Variants in ATP8A1 observed in about 807,000 individuals in gnomAD.
The protein encoded by ATP8A1 is ATPase phospholipid transporting 8A1, also known as phospholipid-transporting ATPase IA.
ATP8A1 carries 90 observed loss-of-function variants against 177.7 expected under a neutral mutation model. The ratio of observed to expected loss-of-function variants is 0.51; its 90% CI spans 0.43 to 0.60. The LOEUF is 0.60. Ranked by LOEUF, ATP8A1 falls within the 20% of genes least tolerant of loss-of-function variation. The pLI is 0.00. For missense variants in ATP8A1, 1,072 were observed against 1,392.8 expected, an observed-to-expected ratio of 0.77 and a Z score of 3.67; for synonymous variants, 493 against 485.9, an observed-to-expected ratio of 1.01 and a Z score of -0.19.
chr4:42,631,510 G>C (rs1347687031), intron 1 of ATP8A1, among the ~76,000 whole-genome samples: 1 of 152,146 alleles, frequency 6.6e-6, no homozygotes, highest in African/African-American at 2.4e-5. Context: ...TAGCATTAGG[G>C]AAGTACAGCC....
At chr4:42,533,303 G>T (rs372920153) in intron 20 of ATP8A1, among the ~76,000 whole-genome samples, 2 of 152,182 alleles carry the variant, frequency 1.3e-5, no homozygotes, top group African/African-American at 4.8e-5. Context: ...GGTGCTGTTG[G>T]GGGTGCACAG....
intron 27 of ATP8A1, 22 bp from the exon 28 acceptor site, chr4:42,455,621 C>G (rs369685799): frequency 1.5e-4 from 245 of 1,606,002 alleles, no homozygotes; most frequent in Middle Eastern, 3.4e-4. Context: ...AACCCAAAAC[C>G]CCCAAATTAG....
In ATP8A1 at chr4:42,633,747, T is replaced by C. The variant is rs536263838; in HGVS notation, c.50-6638A>G. Among the ~76,000 whole-genome samples the C allele has an allele frequency of 2.4e-4, 37 of 152,302 alleles. No individual in the cohort carries two copies. In the South Asian group the frequency reaches 7.5e-3, roughly 31 times the overall value. ...CTGGCACGTAGTAAGAGTTTAGTAA[T>C]GAATGTGAGCTATTTTCATTGTTGT... On this transcript the variant is annotated intron_variant, in intron 1 of 36. Coordinates refer to ENST00000381668, the MANE Select transcript of ATP8A1 (RefSeq NM_006095.2).
chr4:42,498,589 C>T (rs552066345), intron 24 of ATP8A1, among the ~76,000 whole-genome samples: 127 of 152,136 alleles, frequency 8.3e-4, no homozygotes, highest in African/African-American at 2.9e-3. Context: ...GTCATATTCT[C>T]AAATTAAGTA....
intron 7 of ATP8A1, among the ~76,000 whole-genome samples, chr4:42,589,778 C>T (rs1235904986): frequency 1.3e-5 from 2 of 151,684 alleles, no homozygotes; most frequent in Non-Finnish European, 2.9e-5. Context: ...AATATAGAAG[C>T]ACGATGACAA....
chr4:42,493,686 G>C (rs555219495), intron 24 of ATP8A1, among the ~76,000 whole-genome samples: 8 of 152,124 alleles, frequency 5.3e-5, no homozygotes, highest in Admixed American at 1.3e-4. Flanking sequence ...GCTCTGCCGC[G>C]TACTGGCTGT....
chr4:42,499,400 C>T (rs1171871231), intron 24 of ATP8A1, among the ~76,000 whole-genome samples: 2 of 152,166 alleles, frequency 1.3e-5, no homozygotes, highest in African/African-American at 4.8e-5. Context: ...GTAGCTCTAC[C>T]TCTGGGGACA....
chr4:42,522,159 C>A lies in ATP8A1; in HGVS notation c.1947+1G>T. The A allele has an allele frequency of 1.2e-6, 2 of 1,606,304 alleles. No individual in the cohort carries two copies. Among genetic ancestry groups the A allele is most frequent in the Non-Finnish European group, 1.7e-6 (2 of 1,178,108 alleles). On this transcript the variant is annotated splice_donor_variant, in intron 22 of 36. Coordinates refer to ENST00000381668, the MANE Select transcript of ATP8A1 (RefSeq NM_006095.2). LOFTEE classifies it high-confidence loss of function. ...TATGATCAACAGAATCATCCACGTA[C>A]CTTTTCAATCAACTCATAACTCTCT...
rs901575165 is a variant in ATP8A1, at chr4:42,408,428, T to C, written c.*4488A>G. ...TTAATAACAATTAGAGGACAAAATG[T>C]TTAAAATTTGCAGTTTAAAACATGC... On this transcript the variant is annotated 3_prime_UTR_variant, in exon 37 of 37. Transcript: ENST00000381668. 9 of 152,212 alleles carry C rather than the reference T, an allele frequency of 5.9e-5. No individual in the cohort carries two copies. The highest frequency in any genetic ancestry group is 5.2e-4 in the Admixed American group (8 of 15,280). 9.4% of individuals were successfully genotyped at this position (152,212 alleles called of 1,614,324 possible). A position where few individuals can be genotyped will look rare whatever the true frequency, so the allele number is the denominator to read the frequency against.
intron 25 of ATP8A1, among the ~76,000 whole-genome samples, chr4:42,470,092 T>G (rs1273960409): frequency 1.3e-5 from 2 of 152,228 alleles, no homozygotes; most frequent in Admixed American, 1.3e-4. Context: ...CACCGTTGCT[T>G]TTTCTTCTTT....
chr4:42,424,169 C>T (rs1714315395), intron 33 of ATP8A1, among the ~76,000 whole-genome samples: 1 of 151,738 alleles, frequency 6.6e-6, no homozygotes, highest in African/African-American at 2.4e-5. Context: ...TAAAGTCAAA[C>T]CAAATATCTT....
chr4:42,563,066 T>C (rs915822415), intron 15 of ATP8A1, among the ~76,000 whole-genome samples: 2 of 151,910 alleles, frequency 1.3e-5, no homozygotes, highest in East Asian at 1.9e-4. Flanking sequence ...TAGGCAGAGG[T>C]TGAAACAGTT....
chr4:42,522,488 A>G (rs1398896462), intron 21 of ATP8A1, among the ~76,000 whole-genome samples, 189 bp from the exon 22 acceptor site: 1 of 152,224 alleles, frequency 6.6e-6, no homozygotes, highest in African/African-American at 2.4e-5. Context: ...GGTCTTTAAA[A>G]TTGGTACCCT....
chr4:42,416,519 C>T (rs1178365932), intron 35 of ATP8A1, among the ~76,000 whole-genome samples: 1 of 152,116 alleles, frequency 6.6e-6, no homozygotes, highest in East Asian at 1.9e-4. Flanking sequence ...TATAAAGGCT[C>T]TCATTAGCTC....
At chr4:42,507,420 G>A (rs1196817374) in intron 22 of ATP8A1, among the ~76,000 whole-genome samples, 2 of 152,058 alleles carry the variant, frequency 1.3e-5, no homozygotes, top group Non-Finnish European at 2.9e-5. Context: ...TAGAAGGGGA[G>A]TAAAATCCAA....
intron 31 of ATP8A1, among the ~76,000 whole-genome samples, chr4:42,445,519 CT>C: frequency 6.6e-6 from 1 of 152,100 alleles, no homozygotes; most frequent in East Asian, 1.9e-4. Context: ...CAAGGAAACC[CT>C]AGGCACCTTT....
chr4:42,549,435 A>C (rs1288353813), intron 18 of ATP8A1, among the ~76,000 whole-genome samples: 1 of 66,152 alleles, frequency 1.5e-5, no homozygotes, highest in Non-Finnish European at 3.5e-5. Flanking sequence ...TAATATAGAT[A>C]ATAGGGGGGA....
Position 42,600,460 on chromosome 4 carries a change from A to T in ATP8A1, c.450+18T>A, listed in dbSNP as rs1321472333. ...TATGTATTTCTTCTCCTGGAACAAA[A>T]TAAAAATCAGTGCATACCTTTTCCC... On this transcript the variant is annotated intron_variant, in intron 6 of 36. Transcript: ENST00000381668. 6.3e-7 allele frequency: 1 copy of T among 1,599,668 alleles called. No homozygotes were observed. Among genetic ancestry groups the T allele is most frequent in the Non-Finnish European group, 8.5e-7 (1 of 1,174,300 alleles).
chr4:42,620,381 A>G (rs1577716608), intron 4 of ATP8A1, among the ~76,000 whole-genome samples: 1 of 152,356 alleles, frequency 6.6e-6, no homozygotes, highest in Non-Finnish European at 1.5e-5. Context: ...TACATTCTTT[A>G]GGACTGCATG....
Sources: gnomAD v4.1 joint callset for allele counts (sites outside exome capture counted in the v4.1 genomes callset) on GRCh38, gnomAD v4.1.1 for gene constraint, MANE v1.5 for transcripts, NCBI Gene and HGNC (gene_info 2026-07-23, HGNC 2026-07-21) for gene names.